SLC4A7: variants seen among roughly 807,000 people sequenced by gnomAD.
SLC4A7 encodes solute carrier family 4 member 7, also known as sodium bicarbonate cotransporter 3.
In SLC4A7, 51 loss-of-function variants were observed where a neutral mutation model predicts 137.6. The observed-to-expected ratio is 0.37, with a 90% confidence interval of 0.30 to 0.47. SLC4A7 has a LOEUF of 0.47. SLC4A7 is among the 20% of genes least tolerant of loss of function. The pLI is 1.00. For synonymous variants in SLC4A7, 542 were observed against 518.6 expected (o/e 1.05, Z -0.61); for missense variants, 1,247 against 1,525.4 (o/e 0.82, Z 3.04).
chr3:27,412,596 C>T (rs1421130105), intron 11 of SLC4A7, among the ~76,000 whole-genome samples: 2 of 152,064 alleles, frequency 1.3e-5, no homozygotes, highest in African/African-American at 4.8e-5. Context: ...ATCTCACTTA[C>T]AAAATTTCAA....
intron 25 of SLC4A7, among the ~76,000 whole-genome samples, chr3:27,377,673 C>T (rs535827624): frequency 3.3e-5 from 5 of 152,256 alleles, no homozygotes; most frequent in African/African-American, 1.2e-4. Context: ...GATTACAGGC[C>T]TGAACCACTG....
In SLC4A7 at chr3:27,383,158, T is replaced by C. The variant is rs773875703; in HGVS notation, c.3585A>G (p.Lys1195=). 6.2e-7 allele frequency: 1 copy of C among 1,601,546 alleles called. No individual in the cohort carries two copies. Among genetic ancestry groups the C allele is most frequent in the African/African-American group, 1.3e-5 (1 of 74,668 alleles). ...AGCATAAAGTCATATCTCACCTATA[T>C]TTTAGGGCCTTGACTGGAATTTGCA... ...SLLQIPVKAL[K]YSVDPSIVNI... Residue 1195 remains lysine, a synonymous_variant, in exon 24 of 26, where the codon AAA becomes AAG. Coordinates refer to ENST00000454389, the MANE Select transcript of SLC4A7 (RefSeq NM_001321103.2).
At chr3:27,455,093 A>G (rs989616121) in intron 1 of SLC4A7, among the ~76,000 whole-genome samples, 7 of 151,986 alleles carry the variant, frequency 4.6e-5, no homozygotes, top group African/African-American at 9.7e-5. Flanking sequence ...TGGGCAAGAG[A>G]AAGTTCAACT....
intron 1 of SLC4A7, among the ~76,000 whole-genome samples, chr3:27,458,844 G>C (rs917900629): frequency 5.9e-5 from 9 of 152,190 alleles, no homozygotes; most frequent in African/African-American, 2.2e-4. Context: ...ACAAAAATTA[G>C]CCAGGCACAG....
intron 3 of SLC4A7, among the ~76,000 whole-genome samples, chr3:27,439,051 A>C (rs1040942896): frequency 6.6e-6 from 1 of 152,194 alleles, no homozygotes; most frequent in Non-Finnish European, 1.5e-5. Context: ...ACACCACCAC[A>C]AACAGTTACC....
At chr3:27,459,805 T>C (rs2058594060) in intron 1 of SLC4A7, among the ~76,000 whole-genome samples, 1 of 152,078 alleles carries the variant, frequency 6.6e-6, no homozygotes, top group Admixed American at 6.6e-5. Flanking sequence ...TTCTGTTGTG[T>C]CTTGTAACTC....
At chr3:27,437,720 AC>A (rs1389940887) in intron 3 of SLC4A7, among the ~76,000 whole-genome samples, 194 bp from the exon 4 acceptor site, 11 of 152,030 alleles carry the variant, frequency 7.2e-5, no homozygotes, top group African/African-American at 2.2e-4. Flanking sequence ...AAAAAAAGTC[AC>A]AGAAAGATAA....
chr3:27,459,073 C>T (rs1456629655), intron 1 of SLC4A7, among the ~76,000 whole-genome samples: 1 of 152,102 alleles, frequency 6.6e-6, no homozygotes, highest in Non-Finnish European at 1.5e-5. Context: ...TTGGCCCTCC[C>T]CACCAGTACT....
At chr3:27,434,587 C>T (rs2056589121) in intron 5 of SLC4A7, among the ~76,000 whole-genome samples, 2 of 152,234 alleles carry the variant, frequency 1.3e-5, no homozygotes, top group South Asian at 4.1e-4. Context: ...AGTTTCTGCT[C>T]TCTTCGAGAG....
intron 23 of SLC4A7, 147 bp from the exon 24 acceptor site, chr3:27,383,397 C>T (rs2050625448): frequency 4.7e-6 from 3 of 642,446 alleles, no homozygotes; most frequent in Non-Finnish European, 8.2e-6. Context: ...TAATCATGAA[C>T]ACATACTTGT....
intron 18 of SLC4A7, 34 bp downstream of exon 18, chr3:27,397,650 C>A: frequency 9.6e-7 from 1 of 1,041,548 alleles, no homozygotes; most frequent in South Asian, 1.3e-5. Context: ...GTGGTATTCC[C>A]AAGTAACAAA....
chr3:27,464,802 G>A (rs1158786882), intron 1 of SLC4A7, among the ~76,000 whole-genome samples: 1 of 152,296 alleles, frequency 6.6e-6, no homozygotes, highest in South Asian at 2.1e-4. Context: ...CTGGGAGGAT[G>A]GGGTGGAACC....
chr3:27,482,773 AAAT>A (rs146284429), intron 1 of SLC4A7, among the ~76,000 whole-genome samples: 2 of 151,904 alleles, frequency 1.3e-5, no homozygotes, highest in South Asian at 2.1e-4. Flanking sequence ...CTCTGTCTCA[AAAT>A]AATAATAATA....
intron 3 of SLC4A7, among the ~76,000 whole-genome samples, chr3:27,445,515 T>G (rs2150486417): frequency 6.6e-6 from 1 of 152,226 alleles, no homozygotes; most frequent in East Asian, 1.9e-4. Context: ...TTCATATATT[T>G]TATCTGGTTT....
At chr3:27,458,753 G>A (rs186605415) in intron 1 of SLC4A7, among the ~76,000 whole-genome samples, 25 of 152,302 alleles carry the variant, frequency 1.6e-4, no homozygotes, top group African/African-American at 5.8e-4. Flanking sequence ...GACCCTGGGA[G>A]GCCGAGGTGG....
intron 1 of SLC4A7, among the ~76,000 whole-genome samples, chr3:27,469,766 T>C (rs2059159384): frequency 2.0e-5 from 3 of 151,942 alleles, no homozygotes; most frequent in Non-Finnish European, 4.4e-5. Flanking sequence ...AAAAAAATAA[T>C]AAAATAACAA....
intron 17 of SLC4A7, 42 bp downstream of exon 17, chr3:27,398,150 A>T (rs757068586): frequency 2.0e-6 from 3 of 1,483,166 alleles, no homozygotes; most frequent in South Asian, 1.2e-5. Context: ...AAAAACCAAA[A>T]ATATGAATAT....
chr3:27,397,839 A>T (rs759776798), intron 17 of SLC4A7, 42 bp from the exon 18 acceptor site: 2 of 1,096,298 alleles, frequency 1.8e-6, no homozygotes, highest in Non-Finnish European at 2.7e-6. Context: ...CAGAAATACT[A>T]TGTGTTCTTT....
At chr3:27,471,726 C>A (rs962761492) in intron 1 of SLC4A7, among the ~76,000 whole-genome samples, 1 of 152,174 alleles carries the variant, frequency 6.6e-6, no homozygotes, top group Admixed American at 6.6e-5. Context: ...ATTCCCATTA[C>A]AAGTCCCAGG....
Sources: allele counts gnomAD v4.1 joint callset (sites outside exome capture counted in the v4.1 genomes callset), GRCh38; gene constraint gnomAD v4.1.1; transcripts MANE v1.5; gene names NCBI Gene and HGNC (gene_info 2026-07-23, HGNC 2026-07-21).